Variants in MDFI observed in about 807,000 individuals in gnomAD.
The protein encoded by MDFI is inhibitor of MyoD family a.
MDFI carries 16 observed loss-of-function variants against 22.3 expected under a neutral mutation model. That is an observed-to-expected ratio of 0.72 (90% CI 0.49 to 1.09). The LOEUF (loss-of-function observed/expected upper bound fraction) is 1.09. Ranked by LOEUF, MDFI falls within the 50% of genes least tolerant of loss-of-function variation. The pLI is 0.00. For synonymous variants in MDFI, 145 were observed against 142.7 expected (o/e 1.02, Z -0.12); for missense variants, 314 against 326.1 (o/e 0.96, Z 0.29).
At chr6:41,639,334 C>G (rs1767762670) in intron 2 of MDFI, 2 of 985,386 alleles carry the variant, frequency 2.0e-6, no homozygotes, top group Non-Finnish European at 2.4e-6. Flanking sequence ...TCCCTTCTCC[C>G]TCGCCTTCCT....
chr6:41,650,900 A>G (rs1038217148), intron 4 of MDFI, among the ~76,000 whole-genome samples: 1 of 151,944 alleles, frequency 6.6e-6, no homozygotes, highest in Admixed American at 6.5e-5. Flanking sequence ...TGAAGGAGCC[A>G]TTTATTCATT....
intron 2 of MDFI, among the ~76,000 whole-genome samples, chr6:41,644,270 A>G (rs4711686): frequency 0.32 from 48,552 of 152,058 alleles, 8,475 homozygotes; most frequent in Non-Finnish European, 0.38. Context: ...GCTGAAAGGA[A>G]CCCACCCCTG....
At chr6:41,638,018 G>C (rs755684305), upstream of MDFI, 1 of 152,238 alleles carries the variant, frequency 6.6e-6, no homozygotes, top group Non-Finnish European at 1.5e-5. This position sits in a 1 kb window ranked among gnomAD's most constrained non-coding sequence, Gnocchi z 7.6. Flanking sequence ...CGAGGGGGTG[G>C]GTAAAACGTG....
Position 41,652,370 on chromosome 6 carries a change from C to T in MDFI, c.485-949C>T, listed in dbSNP as rs1768302099. On this transcript the variant is annotated intron_variant, in intron 4 of 4. Transcript: ENST00000230321. Reference sequence around the variant, plus strand: ...ACCACACTACAGGGGGCCTCAGAGGCCACTTCAAAGATTTCAGCTTTTATC... The same window carrying T: ...ACCACACTACAGGGGGCCTCAGAGGTCACTTCAAAGATTTCAGCTTTTATC... Among the ~76,000 whole-genome samples the T allele has an allele frequency of 2.0e-5, 3 of 152,176 alleles. 1 individual carries two copies. In the South Asian group the frequency reaches 6.2e-4, roughly 31 times the overall value.
rs1246774532 is a variant in MDFI at position 41,653,453 on chromosome 6, G to A, written c.619G>A (p.Gly207Ser). Reference sequence around the variant, plus strand: ...CCTCTGCTGCTGCTGCTGTGGCTCTGGCGAGTGTGCCGACTGCGACCTGCC... The same window carrying A: ...CCTCTGCTGCTGCTGCTGTGGCTCTAGCGAGTGTGCCGACTGCGACCTGCC... ...SCLCCCCCGSGECADCDLPCD... is the reference protein window; with the variant it reads ...SCLCCCCCGSSECADCDLPCD... The change falls in exon 5 of 5, where the codon GGC becomes AGC. Residue 207 changes from glycine (G) to serine (S), a missense_variant. Physicochemically the swap from Gly to Ser is moderately conservative, Grantham distance 56. Coordinates refer to ENST00000230321, the MANE Select transcript of MDFI (RefSeq NM_005586.4). The surrounding 1 kb of genome is among the most constrained non-coding windows in gnomAD (Gnocchi z 4.2). 6.2e-7 allele frequency: 1 copy of A among 1,605,490 alleles called. No individual in the cohort carries two copies.
In MDFI at chr6:41,653,589, G is replaced by A. The variant is rs546683321; in HGVS notation, c.*14G>A. Reference sequence around the variant, plus strand: ...TTCTCCTCCTGAGCCTCTGTCGGGGGCTAAGCCAGCCTGGCGCCCCTGCAG... The same window carrying A: ...TTCTCCTCCTGAGCCTCTGTCGGGGACTAAGCCAGCCTGGCGCCCCTGCAG... On this transcript the variant is annotated 3_prime_UTR_variant, in exon 5 of 5. Transcript: ENST00000230321. The surrounding 1 kb of genome is among the most constrained non-coding windows in gnomAD (Gnocchi z 4.2). The A allele has an allele frequency of 7.5e-6, 12 of 1,598,308 alleles. No homozygotes were observed. The South Asian group carries it at 1.3e-4, about 18-fold the overall frequency.
At position 41,654,217 on chromosome 6, in the gene MDFI, C is replaced by T. The variant is rs1461521694; in HGVS notation, c.*642C>T. 1.3e-5 allele frequency: 2 copies of T among 157,488 alleles called. No individual in the cohort carries two copies. Among genetic ancestry groups the T allele is most frequent in the African/African-American group, 4.8e-5 (2 of 41,490 alleles). The allele number at this position is 157,488 out of a possible 1,614,324, so 9.8% of individuals were successfully genotyped here. A position where few individuals can be genotyped will look rare whatever the true frequency, so the allele number is the denominator to read the frequency against. On this transcript the variant is annotated 3_prime_UTR_variant, in exon 5 of 5. Transcript: ENST00000230321. ...GAGGGAGGGTCTGTTCTATCTGTTG[C>T]TGTAAATAAAGATATTTGTCCATCT...
At chr6:41,641,826 C>G (rs112430339) in intron 2 of MDFI, among the ~76,000 whole-genome samples, 1 of 152,124 alleles carries the variant, frequency 6.6e-6, no homozygotes, top group Non-Finnish European at 1.5e-5. Context: ...TTGAAACCAT[C>G]CCACCGGAAA....
At chr6:41,649,592 C>A in intron 3 of MDFI, 27 bp from the exon 4 acceptor site, 1 of 1,536,536 alleles carries the variant, frequency 6.5e-7, no homozygotes, top group South Asian at 1.3e-5. Context: ...ACCCTTTTCC[C>A]ATCACACTTT....
rs909182525 is a variant in MDFI, at chr6:41,644,299, C to T, written c.77-1827C>T. Among the ~76,000 whole-genome samples the T allele has an allele frequency of 8.5e-5, 13 of 152,324 alleles. No homozygotes were observed. In the East Asian group the frequency reaches 1.7e-3, roughly 20 times the overall value. Reference sequence around the variant, plus strand: ...ACCCCTGCCTCCGTGGAGCCATGGGCCCCGGGAAGGGTTCCCAGCACATAA... The same window carrying T: ...ACCCCTGCCTCCGTGGAGCCATGGGTCCCGGGAAGGGTTCCCAGCACATAA... On this transcript the variant is annotated intron_variant, in intron 2 of 4. Transcript: ENST00000230321.
rs200469161 is a variant in MDFI at position 41,646,118 on chromosome 6, T to C, written c.77-8T>C. 1.2e-5 allele frequency: 18 copies of C among 1,460,738 alleles called. No homozygotes were observed. Among genetic ancestry groups the C allele is most frequent in the Non-Finnish European group, 1.5e-5 (17 of 1,102,788 alleles). The allele number at this position is 1,460,738 out of a possible 1,614,324, so 90.5% of individuals were successfully genotyped here. A position where few individuals can be genotyped will look rare whatever the true frequency, so the allele number is the denominator to read the frequency against. ...AAAATGGACCTCAGTCATCTGCTTTTTTCCTAGCCCAGACCCTATCCCTCC... is the reference window on the plus strand; with the variant it reads ...AAAATGGACCTCAGTCATCTGCTTTCTTCCTAGCCCAGACCCTATCCCTCC... On this transcript the variant is annotated splice_region_variant and splice_polypyrimidine_tract_variant and intron_variant, in intron 2 of 4. Transcript: ENST00000230321.
intron 2 of MDFI, chr6:41,639,231 C>T (rs1767757459): frequency 1.7e-5 from 17 of 985,234 alleles, no homozygotes; most frequent in Non-Finnish European, 2.0e-5. Flanking sequence ...CTCTACTTCC[C>T]TTCCCCCAGC....
In MDFI at chr6:41,653,677, C is replaced by T. The variant is rs959245645; in HGVS notation, c.*102C>T. The T allele has an allele frequency of 1.4e-6, 2 of 1,454,394 alleles. No individual in the cohort carries two copies. The highest frequency in any genetic ancestry group is 1.9e-6 in the Non-Finnish European group (2 of 1,071,728). 90.1% of individuals were successfully genotyped at this position (1,454,394 alleles called of 1,614,324 possible). A position where few individuals can be genotyped will look rare whatever the true frequency, so the allele number is the denominator to read the frequency against. On this transcript the variant is annotated 3_prime_UTR_variant, in exon 5 of 5. Transcript: ENST00000230321. This position sits in a 1 kb window ranked among gnomAD's most constrained non-coding sequence, Gnocchi z 4.2. ...GACTGTCACACAAGGCTTGAGAAGCCCCCTCTCCCTGGTCCTCTCCTACCC... is the reference window on the plus strand; with the variant it reads ...GACTGTCACACAAGGCTTGAGAAGCTCCCTCTCCCTGGTCCTCTCCTACCC...
intron 4 of MDFI, among the ~76,000 whole-genome samples, chr6:41,652,580 T>C (rs1768310643): frequency 6.8e-6 from 1 of 146,298 alleles, no homozygotes; most frequent in Non-Finnish European, 1.5e-5. Flanking sequence ...GGTAGGATTC[T>C]GGGTGTAGAC....
chr6:41,640,104 C>T (rs1767795832), intron 2 of MDFI, among the ~76,000 whole-genome samples: 1 of 152,240 alleles, frequency 6.6e-6, no homozygotes, highest in Non-Finnish European at 1.5e-5. Context: ...AGGATGAGCG[C>T]CTCCAAGAAT....
chr6:41,639,442 G>T (rs1250734865), intron 2 of MDFI: 3 of 985,336 alleles, frequency 3.0e-6, no homozygotes, highest in Admixed American at 6.1e-5. Flanking sequence ...CCCGTCCCGC[G>T]CCTGGCGCCG....
At chr6:41,647,779 A>T (rs1768106167) in intron 3 of MDFI, among the ~76,000 whole-genome samples, 1 of 151,614 alleles carries the variant, frequency 6.6e-6, no homozygotes, top group Non-Finnish European at 1.5e-5. Context: ...CCACCTACTC[A>T]CGCCTGTAAT....
chr6:41,640,005 T>C (rs1767790223), intron 2 of MDFI: 1 of 858,818 alleles, frequency 1.2e-6, no homozygotes, highest in African/African-American at 1.8e-5. Flanking sequence ...AGCCAGCACA[T>C]AGATGAGGCC....
intron 2 of MDFI, among the ~76,000 whole-genome samples, chr6:41,645,400 C>CTGCG (rs1768009596): frequency 6.6e-6 from 1 of 152,082 alleles, no homozygotes; most frequent in South Asian, 2.1e-4. Context: ...TTACATGTGG[C>CTGCG]TGCGGTTCAC....
Sources: allele counts gnomAD v4.1 joint callset (sites outside exome capture counted in the v4.1 genomes callset), GRCh38; gene constraint gnomAD v4.1.1; non-coding constraint Gnocchi (gnomAD v3.1); transcripts MANE v1.5; gene names NCBI Gene and HGNC (gene_info 2026-07-23, HGNC 2026-07-21).